The following ARSB variants were observed in gnomAD, a reference collection of about 807,000 sequenced individuals.
The protein encoded by ARSB is N-acetylgalactosamine-4-sulfatase.
Under a neutral mutation model 50.9 loss-of-function variants are expected in ARSB, and 41 were observed. That is an observed-to-expected ratio of 0.81 (90% CI 0.63 to 1.04). The LOEUF (loss-of-function observed/expected upper bound fraction) is 1.04, where lower values mean the gene tolerates loss of function less well. ARSB is among the 50% of genes least tolerant of loss of function. ARSB has a pLI of 0.00. For missense variants in ARSB, 672 were observed against 693.3 expected (o/e 0.97, Z 0.35); for synonymous variants, 269 against 284.8 (o/e 0.94, Z 0.56).
chr5:78,908,083 T>C (rs779498231), intron 4 of ARSB, among the ~76,000 whole-genome samples: 1 of 152,126 alleles, frequency 6.6e-6, no homozygotes, highest in Non-Finnish European at 1.5e-5. Context: ...TCCCTTCCAG[T>C]GTAGCTGTAT....
intron 5 of ARSB, among the ~76,000 whole-genome samples, chr5:78,859,877 G>A (rs1016078493): frequency 2.6e-5 from 4 of 152,050 alleles, no homozygotes; most frequent in African/African-American, 7.2e-5. Flanking sequence ...TAGCTTCCTG[G>A]AACATGGAAC....
chr5:78,845,365 C>A (rs2112013637), intron 5 of ARSB, among the ~76,000 whole-genome samples: 1 of 152,164 alleles, frequency 6.6e-6, no homozygotes, highest in Non-Finnish European at 1.5e-5. Context: ...CCTTGATATA[C>A]TGATTTCATT....
rs370550534 is a variant in ARSB at position 78,852,803 on chromosome 5, C to T, written c.1143-13377G>A. Among the ~76,000 whole-genome samples the T allele has an allele frequency of 6.8e-4, 103 of 152,230 alleles. 1 individual carries two copies. In the East Asian group the frequency reaches 0.016, roughly 24 times the overall value. ...ACTTCCCTTCTCGCTTCATTTCATT[C>T]ATTTCATCTTCCATCACTGATACCC... On this transcript the variant is annotated intron_variant, in intron 5 of 7. Coordinates refer to ENST00000264914, the MANE Select transcript of ARSB (RefSeq NM_000046.5).
At chr5:78,814,565 T>C (rs1004495458) in intron 6 of ARSB, among the ~76,000 whole-genome samples, 8 of 150,816 alleles carry the variant, frequency 5.3e-5, no homozygotes, top group African/African-American at 2.0e-4. Flanking sequence ...GGGAATTCCA[T>C]GTAGGAACAT....
At chr5:78,869,812 T>G (rs1188648118) in intron 5 of ARSB, among the ~76,000 whole-genome samples, 3 of 142,260 alleles carry the variant, frequency 2.1e-5, no homozygotes, top group African/African-American at 7.8e-5. Context: ...ATAACTAAAA[T>G]CAGAGCAGAA....
intron 4 of ARSB, among the ~76,000 whole-genome samples, chr5:78,908,323 T>G (rs1749157785): frequency 6.6e-6 from 1 of 152,118 alleles, no homozygotes; most frequent in Non-Finnish European, 1.5e-5. Flanking sequence ...GGACTGTATT[T>G]TGTCGCTTAT....
At chr5:78,872,116 A>T (rs1011757745) in intron 5 of ARSB, among the ~76,000 whole-genome samples, 3 of 148,640 alleles carry the variant, frequency 2.0e-5, no homozygotes, top group African/African-American at 7.3e-5. Flanking sequence ...CCACTATGAG[A>T]TATCATCTCA....
At chr5:78,795,989 C>T (rs1482107634) in intron 6 of ARSB, among the ~76,000 whole-genome samples, 2 of 152,176 alleles carry the variant, frequency 1.3e-5, no homozygotes, top group African/African-American at 4.8e-5. Flanking sequence ...AGAGAATGTG[C>T]TGGTGTTACA....
At chr5:78,866,829 T>C (rs1316374297) in intron 5 of ARSB, among the ~76,000 whole-genome samples, 1 of 152,182 alleles carries the variant, frequency 6.6e-6, no homozygotes, top group African/African-American at 2.4e-5. Flanking sequence ...GATGGCCGAA[T>C]AGGGACAGTT....
At chr5:78,969,464 T>A (rs1414512236) in intron 1 of ARSB, among the ~76,000 whole-genome samples, 1 of 144,716 alleles carries the variant, frequency 6.9e-6, no homozygotes, top group African/African-American at 2.5e-5. Context: ...CATTAACTTG[T>A]TACTTTTTGC....
At chr5:78,908,752 T>C (rs1225556379) in intron 4 of ARSB, among the ~76,000 whole-genome samples, 2 of 141,608 alleles carry the variant, frequency 1.4e-5, no homozygotes, top group African/African-American at 5.3e-5. Context: ...TTTTTTGACA[T>C]GCATGCATCC....
At chr5:78,799,884 C>CAG (rs919061042) in intron 6 of ARSB, among the ~76,000 whole-genome samples, 1 of 152,180 alleles carries the variant, frequency 6.6e-6, no homozygotes, top group African/African-American at 2.4e-5. Flanking sequence ...ATTGGAAAGA[C>CAG]AGAGCCCCAG....
At chr5:78,905,597 G>A (rs1749024485) in intron 4 of ARSB, among the ~76,000 whole-genome samples, 1 of 152,112 alleles carries the variant, frequency 6.6e-6, no homozygotes, top group Non-Finnish European at 1.5e-5. Context: ...GTGCCACTCA[G>A]GGGTTAATCT....
intron 6 of ARSB, among the ~76,000 whole-genome samples, chr5:78,800,109 G>C (rs930693877): frequency 2.0e-5 from 3 of 152,088 alleles, no homozygotes; most frequent in Non-Finnish European, 4.4e-5. Context: ...CTTGAGGTCA[G>C]GAGTTCAAGA....
intron 4 of ARSB, among the ~76,000 whole-genome samples, chr5:78,942,575 C>T (rs1750991923): frequency 6.6e-6 from 1 of 152,176 alleles, no homozygotes; most frequent in South Asian, 2.1e-4. Context: ...TGTTCGGTTT[C>T]CATGTAGTTG....
intron 6 of ARSB, among the ~76,000 whole-genome samples, chr5:78,784,230 A>AT (rs1245404157): frequency 6.6e-6 from 1 of 152,238 alleles, no homozygotes; most frequent in Non-Finnish European, 1.5e-5. Context: ...GGGAGTGTAA[A>AT]TTAGTAAAGG....
At chr5:78,807,034 G>T (rs546388396) in intron 6 of ARSB, among the ~76,000 whole-genome samples, 39 of 152,200 alleles carry the variant, frequency 2.6e-4, no homozygotes, top group Non-Finnish European at 4.4e-4. Flanking sequence ...CCATGAAGGT[G>T]GGAAATGGCT....
intron 5 of ARSB, among the ~76,000 whole-genome samples, chr5:78,875,241 TAAC>T (rs1168121472): frequency 1.3e-5 from 2 of 152,112 alleles, no homozygotes; most frequent in African/African-American, 4.8e-5. Flanking sequence ...TTTGGAAACT[TAAC>T]AATGCACTTC....
chr5:78,850,432 T>G lies in ARSB; in HGVS notation c.1143-11006A>C, dbSNP rs373257982. Among the ~76,000 whole-genome samples, 18 of 152,182 alleles carry G rather than the reference T, an allele frequency of 1.2e-4. No individual in the cohort carries two copies. The East Asian group carries it at 1.5e-3, about 13-fold the overall frequency. ...GCCCACTTGATCATGGTGGATAAGC[T>G]TTTTGATGTGCTGCTGGATTTGGTT... On this transcript the variant is annotated intron_variant, in intron 5 of 7. Transcript: ENST00000264914.
Sources: allele counts gnomAD v4.1 joint callset (sites outside exome capture counted in the v4.1 genomes callset), GRCh38; gene constraint gnomAD v4.1.1; transcripts MANE v1.5; gene names NCBI Gene and HGNC (gene_info 2026-07-23, HGNC 2026-07-21).